The following DIP2A variants were observed in gnomAD, a reference collection of about 807,000 sequenced individuals.
DIP2A encodes disco-interacting protein 2 homolog A.
In DIP2A, 85 loss-of-function variants were observed where a neutral mutation model predicts 177.4. The ratio of observed to expected loss-of-function variants is 0.48; its 90% CI spans 0.40 to 0.57. The LOEUF is 0.57. DIP2A is among the 20% of genes least tolerant of loss of function. The pLI is 0.00. For missense variants in DIP2A, 1,791 were observed against 2,100.2 expected (o/e 0.85, Z 2.88); for synonymous variants, 886 against 881.8 (o/e 1.00, Z -0.08).
At chr21:46,509,812 A>G (rs1205674227) in intron 7 of DIP2A, among the ~76,000 whole-genome samples, 1 of 152,170 alleles carries the variant, frequency 6.6e-6, no homozygotes, top group East Asian at 1.9e-4. Flanking sequence ...ACTAGCAAGC[A>G]GAAACCAGAA....
intron 5 of DIP2A, among the ~76,000 whole-genome samples, chr21:46,503,853 G>C (rs952947837): frequency 4.6e-5 from 7 of 152,106 alleles, no homozygotes; most frequent in African/African-American, 1.2e-4. Context: ...AGCCTCCCCA[G>C]TAGCTGGGAT....
intron 8 of DIP2A, among the ~76,000 whole-genome samples, chr21:46,518,732 C>T (rs1419633126): frequency 1.3e-5 from 2 of 152,198 alleles, no homozygotes; most frequent in African/African-American, 4.8e-5. Context: ...TGGCATGCGC[C>T]TATAGTCCCA....
chr21:46,561,608 G>T, intron 33 of DIP2A, 140 bp from the exon 34 acceptor site: 1 of 1,128,638 alleles, frequency 8.9e-7, no homozygotes. Context: ...ATTCATGGCA[G>T]GTGTGCTGTG....
chr21:46,560,900 T>A (rs2060640590), intron 33 of DIP2A, 117 bp downstream of exon 33: 12 of 1,499,360 alleles, frequency 8.0e-6, no homozygotes, highest in Non-Finnish European at 1.1e-5. Context: ...CGGGGCCAAG[T>A]CAGGCCTACC....
chr21:46,518,010 G>T (rs1042675542), intron 8 of DIP2A, among the ~76,000 whole-genome samples: 3 of 152,234 alleles, frequency 2.0e-5, no homozygotes, highest in African/African-American at 7.2e-5. Context: ...AGGAGTGCTG[G>T]TCTGCCACCA....
chr21:46,463,213 AG>A (rs1218414119), intron 1 of DIP2A: 1 of 152,240 alleles, frequency 6.6e-6, no homozygotes, highest in African/African-American at 2.4e-5. Context: ...CATTGATGGA[AG>A]TGAGATCATT....
In DIP2A at chr21:46,534,432, G is replaced by C. The variant is rs562212148; in HGVS notation, c.1540-153G>C. ...ACTGAAGCATCCCCTCAGCGGCCAG[G>C]GTTTTGCCATGTACCTGGGCTGCTG... On this transcript the variant is annotated intron_variant, in intron 12 of 37. Transcript: ENST00000417564. Among the ~76,000 whole-genome samples, 26 of 152,300 alleles carry C rather than the reference G, an allele frequency of 1.7e-4. No individual in the cohort carries two copies. In the South Asian group the frequency reaches 4.3e-3, roughly 25 times the overall value.
chr21:46,506,752 CT>C lies in DIP2A; in HGVS notation c.784+2266del, dbSNP rs1568994498. Among the ~76,000 whole-genome samples the C allele has an allele frequency of 3.3e-4, 34 of 102,518 alleles. 6 individuals are homozygous for C. The South Asian group carries it at 9.4e-3, about 28-fold the overall frequency. 67.3% of individuals were successfully genotyped at this position (102,518 alleles called of 152,430 possible). ...TCTTTCTTTCTTTCTTTCTTTCTTT[CT>C]TTCTTTCTTTCTTTCTTTCTTTTCT... On this transcript the variant is annotated intron_variant, in intron 6 of 37. Transcript: ENST00000417564.
intron 1 of DIP2A, among the ~76,000 whole-genome samples, chr21:46,473,093 C>T (rs1397464293): frequency 6.6e-6 from 1 of 152,140 alleles, no homozygotes; most frequent in African/African-American, 2.4e-5. Context: ...ATGAAGGCTT[C>T]CTATTAACAA....
chr21:46,458,969 G>A lies in DIP2A; in HGVS notation c.-163G>A, dbSNP rs2054021068. 2 of 447,866 alleles carry A rather than the reference G, an allele frequency of 4.5e-6. No homozygotes were observed. The highest frequency in any genetic ancestry group is 9.2e-5 in the Admixed American group (2 of 21,754). The allele number at this position is 447,866 out of a possible 1,614,324, so 27.7% of individuals were successfully genotyped here. On this transcript the variant is annotated 5_prime_UTR_variant, in exon 1 of 38. Coordinates refer to ENST00000417564, the MANE Select transcript of DIP2A (RefSeq NM_015151.4). Reference sequence around the variant, plus strand: ...AGCCATCCGCGCTCGTGCCCGCGCGGGTGCGTTGCTGTCCTGGCCGCGCCC... The same window carrying A: ...AGCCATCCGCGCTCGTGCCCGCGCGAGTGCGTTGCTGTCCTGGCCGCGCCC...
intron 22 of DIP2A, chr21:46,550,125 A>G: frequency 1.8e-6 from 2 of 1,111,366 alleles, no homozygotes; most frequent in Admixed American, 3.3e-5. Flanking sequence ...CTCAATATTT[A>G]TTTTTTTCTG....
chr21:46,561,174 G>GA, intron 33 of DIP2A: 1 of 409,506 alleles, frequency 2.4e-6, no homozygotes, highest in Non-Finnish European at 3.7e-6. Context: ...CTACTGGCAA[G>GA]AACGTTTCTT....
chr21:46,535,938 T>C (rs1259659015), intron 13 of DIP2A, among the ~76,000 whole-genome samples: 1 of 152,132 alleles, frequency 6.6e-6, no homozygotes, highest in Non-Finnish European at 1.5e-5. Context: ...ATGGTGACCT[T>C]CTAGGAGTGG....
the DIP2A span, among the ~76,000 whole-genome samples, chr21:46,581,883 T>C: frequency 1.1e-4 from 17 of 152,288 alleles, no homozygotes; most frequent in Non-Finnish European, 1.6e-4. Context: ...ATAAGATTCC[T>C]GACAACCCAT....
chr21:46,497,259 A>G (rs2057410022), intron 4 of DIP2A, among the ~76,000 whole-genome samples, 152 bp downstream of exon 4: 1 of 152,230 alleles, frequency 6.6e-6, no homozygotes, highest in South Asian at 2.1e-4. Flanking sequence ...ATATGCTCGT[A>G]TTCCTTACCT....
At chr21:46,496,344 A>G (rs751592634) in intron 3 of DIP2A, among the ~76,000 whole-genome samples, 1 of 152,220 alleles carries the variant, frequency 6.6e-6, no homozygotes, top group African/African-American at 2.4e-5. Context: ...CTTCACTGCT[A>G]TCAACAATAT....
chr21:46,554,103 G>A (rs555890299), intron 25 of DIP2A, 66 bp from the exon 26 acceptor site: 541 of 1,525,686 alleles, frequency 3.5e-4, no homozygotes, highest in Non-Finnish European at 4.7e-4. Flanking sequence ...TGGTGTGCAC[G>A]CAGATCTGCG....
At chr21:46,574,003 A>C (rs191507990), downstream of DIP2A, among the ~76,000 whole-genome samples, 32 of 152,346 alleles carry the variant, frequency 2.1e-4, no homozygotes, top group African/African-American at 6.5e-4. Context: ...AACTAACTAG[A>C]TCTAACAGAC....
In DIP2A at chr21:46,557,986, G is replaced by A. The variant is rs537435183; in HGVS notation, c.3798+233G>A. Among the ~76,000 whole-genome samples the A allele has an allele frequency of 8.5e-5, 13 of 152,336 alleles. No individual in the cohort carries two copies. The highest frequency in any genetic ancestry group is 3.9e-4 in the East Asian group (2 of 5,182). ...GTGGGGGGTAGGGCAGGGTCCCTGC[G>A]AGATAGCGGGGTGGAAGTCTGGCCG... On this transcript the variant is annotated intron_variant, in intron 31 of 37. Coordinates refer to ENST00000417564, the MANE Select transcript of DIP2A (RefSeq NM_015151.4). This position sits in a 1 kb window ranked among gnomAD's most constrained non-coding sequence, Gnocchi z 6.0.
Sources: allele counts gnomAD v4.1 joint callset (sites outside exome capture counted in the v4.1 genomes callset), GRCh38; gene constraint gnomAD v4.1.1; non-coding constraint Gnocchi (gnomAD v3.1); transcripts MANE v1.5; gene names NCBI Gene and HGNC (gene_info 2026-07-23, HGNC 2026-07-21).